The following HABP2 variants were observed in gnomAD, a reference collection of about 807,000 sequenced individuals.
HABP2 encodes hyaluronan binding protein 2, also known as factor VII-activating protease.
In HABP2, 65 loss-of-function variants were observed where a neutral mutation model predicts 66.5. That is an observed-to-expected ratio of 0.98 (90% confidence interval 0.80 to 1.20). HABP2 has a LOEUF of 1.20. Ranked by LOEUF, HABP2 falls within the 50% of genes most tolerant of loss-of-function variation. The probability of loss-of-function intolerance (pLI) is 0.00; values close to 1 mark genes in which losing one functional copy is unlikely to be tolerated. For synonymous variants in HABP2, 263 were observed against 253.9 expected (o/e 1.04, Z -0.34); for missense variants, 786 against 691.0 (o/e 1.14, Z -1.54).
At position 113,589,489 on chromosome 10, in the gene HABP2, G is replaced by A. The variant is rs1018007480; in HGVS notation, c.*1120G>A. 46 of 695,800 alleles carry A rather than the reference G, an allele frequency of 6.6e-5. No homozygotes were observed. Among genetic ancestry groups the A allele is most frequent in the African/African-American group, 1.8e-4 (10 of 56,034 alleles). 43.1% of individuals were successfully genotyped at this position (695,800 alleles called of 1,614,324 possible). On this transcript the variant is annotated 3_prime_UTR_variant, in exon 13 of 13. Coordinates refer to ENST00000351270, the MANE Select transcript of HABP2 (RefSeq NM_004132.5). ...AAGCCCTGCAGGAAGTTTAACCTGC[G>A]TGTCATCTGCCTGGTCATCTCAGAC...
rs968018428 is a variant in HABP2 at position 113,574,276 on chromosome 10, A to T, written c.107-13A>T. 1.5e-6 allele frequency: 2 copies of T among 1,315,614 alleles called. No homozygotes were observed. Among genetic ancestry groups the T allele is most frequent in the African/African-American group, 1.4e-5 (1 of 69,652 alleles). 81.5% of individuals were successfully genotyped at this position (1,315,614 alleles called of 1,614,324 possible). On this transcript the variant is annotated splice_polypyrimidine_tract_variant and intron_variant, in intron 2 of 12. Transcript: ENST00000351270. The stretch of plus-strand genomic sequence containing the variant: ...TGATTAGGATTTCTTCTGTCCTGTT[A>T]CCATCCCTGCAGACTGGACCCCTGA...
At chr10:113,582,243 G>T (rs1486519258) in intron 9 of HABP2, 112 bp downstream of exon 9, 1 of 1,053,476 alleles carries the variant, frequency 9.5e-7, no homozygotes, top group Non-Finnish European at 1.3e-6. Flanking sequence ...GGTCTGATCT[G>T]TTCAAGGGCA....
rs1479362205 is a variant in HABP2 at position 113,553,108 on chromosome 10, C to A, written c.-14C>A. 4 of 1,609,588 alleles carry A rather than the reference C, an allele frequency of 2.5e-6. No individual in the cohort carries two copies. In the African/African-American group the frequency reaches 5.3e-5, roughly 22 times the overall value. ...TTTTATTGAGAGGAAAACACAAGTC[C>A]TTAAACTGCAAAGATGTTTGCCAGG... On this transcript the variant is annotated 5_prime_UTR_variant, in exon 1 of 13. Transcript: ENST00000351270.
intron 6 of HABP2, 24 bp downstream of exon 6, chr10:113,578,169 G>A (rs1420695744): frequency 6.2e-7 from 1 of 1,612,988 alleles, no homozygotes; most frequent in Non-Finnish European, 8.5e-7. Flanking sequence ...CCACCATCAG[G>A]GCCACAAGTG....
chr10:113,557,869 G>A (rs1475334029), intron 1 of HABP2, among the ~76,000 whole-genome samples: 1 of 152,150 alleles, frequency 6.6e-6, no homozygotes, highest in African/African-American at 2.4e-5. Flanking sequence ...TATGAGTTAG[G>A]GACCAATGTC....
intron 1 of HABP2, 151 bp from the exon 2 acceptor site, chr10:113,567,338 G>T (rs1219377739): frequency 4.4e-6 from 3 of 676,672 alleles, no homozygotes; most frequent in Middle Eastern, 2.8e-4. Context: ...AGACCCCATT[G>T]CCCCTCCCTT....
chr10:113,572,856 T>C (rs1324074769), intron 2 of HABP2: 3 of 246,318 alleles, frequency 1.2e-5, no homozygotes, highest in Admixed American at 5.4e-5. Flanking sequence ...GAAACCAGAG[T>C]TGGCGTATTC....
At position 113,583,197 on chromosome 10, in the gene HABP2, A is replaced by C; in HGVS notation, c.1095-19A>C. On this transcript the variant is annotated intron_variant, in intron 9 of 12. Transcript: ENST00000351270. ...GAGCAGAAACAGTGCCTTCCTGACC[A>C]TCTCATTTTCCCTTGCAGCATAAAA... The C allele has an allele frequency of 6.2e-7, 1 of 1,612,738 alleles. No homozygotes were observed. Among genetic ancestry groups the C allele is most frequent in the South Asian group, 1.1e-5 (1 of 90,776 alleles).
At chr10:113,572,756 A>G (rs1159929167) in intron 2 of HABP2, 9 of 448,086 alleles carry the variant, frequency 2.0e-5, no homozygotes, top group Non-Finnish European at 3.6e-5. Context: ...GAGCATTTTC[A>G]TAGTGGGGAA....
chr10:113,567,438 C>G, intron 1 of HABP2, 51 bp from the exon 2 acceptor site: 2 of 1,463,248 alleles, frequency 1.4e-6, no homozygotes, highest in Non-Finnish European at 1.9e-6. Flanking sequence ...AGGAGCACGC[C>G]CGGCAGAGCT....
At chr10:113,563,819 A>G (rs1845145690) in intron 1 of HABP2, among the ~76,000 whole-genome samples, 1 of 152,130 alleles carries the variant, frequency 6.6e-6, no homozygotes, top group African/African-American at 2.4e-5. Context: ...TGTTCGGCTC[A>G]AAGAGAAGAA....
intron 2 of HABP2, among the ~76,000 whole-genome samples, chr10:113,573,834 A>G (rs1468845780): frequency 6.6e-6 from 1 of 152,226 alleles, no homozygotes; most frequent in East Asian, 1.9e-4. Context: ...AGTCCCATCA[A>G]GAAATATTAT....
Position 113,580,630 on chromosome 10 carries a change from T to C in HABP2, c.776T>C (p.Ile259Thr), listed in dbSNP as rs1845508342. Residue 259 changes from isoleucine (I) to threonine (T), a missense_variant, in exon 8 of 13, where the codon ATT becomes ACT. Ile to Thr is a moderately conservative substitution (Grantham distance 89). Transcript: ENST00000351270. Reference sequence around the variant, plus strand: ...GCGGACGAAAAGCCCTGGTGCTTTATTAAAGTTACCAATGACAAGGTGAAA... The same window carrying C: ...GCGGACGAAAAGCCCTGGTGCTTTACTAAAGTTACCAATGACAAGGTGAAA... Reference protein sequence around the residue: ...PDADEKPWCFIKVTNDKVKWE... With the variant: ...PDADEKPWCFTKVTNDKVKWE... 5 of 1,603,126 alleles carry C rather than the reference T, an allele frequency of 3.1e-6. No homozygotes were observed. In the African/African-American group the frequency reaches 4.0e-5, roughly 13 times the overall value.
chr10:113,562,118 G>A (rs569887433), intron 1 of HABP2, among the ~76,000 whole-genome samples: 6 of 152,294 alleles, frequency 3.9e-5, no homozygotes, highest in East Asian at 3.9e-4. Context: ...ATAAACAGTC[G>A]TTGGATCTAG....
upstream of HABP2, among the ~76,000 whole-genome samples, chr10:113,552,065 G>A (rs1321528993): frequency 1.3e-5 from 2 of 152,190 alleles, no homozygotes; most frequent in Non-Finnish European, 2.9e-5. Flanking sequence ...GCTGGGATCT[G>A]TGGGGCCCTC....
chr10:113,575,172 A>G (rs1845386809), intron 3 of HABP2, among the ~76,000 whole-genome samples: 2 of 152,206 alleles, frequency 1.3e-5, no homozygotes, highest in South Asian at 4.1e-4. Context: ...GCATGGGGGA[A>G]CATCAGAAGG....
In HABP2 at chr10:113,589,562, A is replaced by C. The variant is rs750606534; in HGVS notation, c.*1193A>C. On this transcript the variant is annotated 3_prime_UTR_variant, in exon 13 of 13. Transcript: ENST00000351270. Reference sequence around the variant, plus strand: ...TGAGCTGCGTTTCACACTTCTTTAGAGCTAGCTGACCTTTGGCCAAAAATA... The same window carrying C: ...TGAGCTGCGTTTCACACTTCTTTAGCGCTAGCTGACCTTTGGCCAAAAATA... 5.4e-5 allele frequency: 75 copies of C among 1,378,836 alleles called. No homozygotes were observed. In the South Asian group the frequency reaches 5.8e-4, roughly 11 times the overall value. The allele number at this position is 1,378,836 out of a possible 1,614,324, so 85.4% of individuals were successfully genotyped here.
In HABP2 at chr10:113,589,102, A is replaced by AAGTT. The variant is rs565124763; in HGVS notation, c.*735_*738dup. ...CCGCTGCTGAAATCAAACATACCCC[A>AAGTT]AGTTAAAATGAAGCTCCCCCACCCC... On this transcript the variant is annotated 3_prime_UTR_variant, in exon 13 of 13. Coordinates refer to ENST00000351270, the MANE Select transcript of HABP2 (RefSeq NM_004132.5). The AAGTT allele has an allele frequency of 3.8e-5, 61 of 1,601,378 alleles. No individual in the cohort carries two copies. In the East Asian group the frequency reaches 1.1e-3, roughly 29 times the overall value.
chr10:113,575,385 C>A lies in HABP2; in HGVS notation c.224-512C>A, dbSNP rs144916645. ...AGGCCACTGGGTCATTTCCTCCTTG[C>A]CGCCAATTCTTCTGTCACCCTCTTG... is the stretch of plus-strand genomic sequence containing the variant. On this transcript the variant is annotated intron_variant, in intron 3 of 12. Coordinates refer to ENST00000351270, the MANE Select transcript of HABP2 (RefSeq NM_004132.5). Among the ~76,000 whole-genome samples, 253 of 152,348 alleles carry A rather than the reference C, an allele frequency of 1.7e-3. 1 individual carries two copies. The highest frequency in any genetic ancestry group is 5.6e-3 in the African/African-American group (233 of 41,580).
Sources: allele counts gnomAD v4.1 joint callset (sites outside exome capture counted in the v4.1 genomes callset), GRCh38; gene constraint gnomAD v4.1.1; transcripts MANE v1.5; gene names NCBI Gene and HGNC (gene_info 2026-07-23, HGNC 2026-07-21).